The following CHST9 variants were observed in gnomAD, a reference collection of about 807,000 sequenced individuals.
CHST9 encodes carbohydrate sulfotransferase 9.
CHST9 carries 41 observed loss-of-function variants against 44.4 expected under a neutral mutation model. The observed-to-expected ratio is 0.92, with a 90% CI of 0.72 to 1.20. CHST9 has a LOEUF of 1.20. Ranked by LOEUF, CHST9 falls within the 50% of genes most tolerant of loss-of-function variation. The pLI is 0.00. For missense variants in CHST9, 504 were observed against 516.5 expected, an observed-to-expected ratio of 0.98 and a Z score of 0.23; for synonymous variants, 171 against 178.4, an observed-to-expected ratio of 0.96 and a Z score of 0.33.
chr18:27,159,377 A>G (rs2058726451), intron 1 of CHST9, among the ~76,000 whole-genome samples: 1 of 152,172 alleles, frequency 6.6e-6, no homozygotes, highest in Non-Finnish European at 1.5e-5. Flanking sequence ...TCCTTTCCCC[A>G]TTTCTTGTTT....
In CHST9 at chr18:27,103,508, A is replaced by G. The variant is rs543275344; in HGVS notation, c.121+39181T>C. Among the ~76,000 whole-genome samples the G allele has an allele frequency of 2.0e-5, 3 of 152,312 alleles. No individual in the cohort carries two copies. The East Asian group carries it at 5.8e-4, about 29-fold the overall frequency. ...GAATGAAAATCTACTCTAAGAAAAA[A>G]CAATGGTATCTGGCAATCCAGGTTG... On this transcript the variant is annotated intron_variant, in intron 2 of 5. Transcript: ENST00000618847.
intron 1 of CHST9, among the ~76,000 whole-genome samples, chr18:27,174,221 G>A (rs1235429610): frequency 1.3e-5 from 2 of 151,760 alleles, no homozygotes; most frequent in East Asian, 1.9e-4. Flanking sequence ...TAGTTGCCAG[G>A]TCTCCTAGTC....
At chr18:27,084,089 G>A (rs2057985783) in intron 2 of CHST9, among the ~76,000 whole-genome samples, 1 of 149,638 alleles carries the variant, frequency 6.7e-6, no homozygotes. Context: ...AGGGATATTG[G>A]CCCAAAGTTG....
intron 2 of CHST9, among the ~76,000 whole-genome samples, chr18:27,057,460 G>A (rs1306284948): frequency 1.3e-5 from 2 of 152,118 alleles, no homozygotes; most frequent in Non-Finnish European, 2.9e-5. Context: ...ACCAGCCTCC[G>A]CAGACATTGA....
In CHST9 at chr18:27,148,625, T is replaced by C. The variant is rs2058634795; in HGVS notation, c.-96-5720A>G. On this transcript the variant is annotated intron_variant, in intron 1 of 5. Transcript: ENST00000618847. ...TGGCTGCATAGTATTCCATGGTGTA[T>C]ATGTGCCACATTTTCTTAATCCAGT... is the stretch of plus-strand genomic sequence containing the variant. Among the ~76,000 whole-genome samples the C allele has an allele frequency of 2.0e-5, 3 of 151,134 alleles. No homozygotes were observed. In the South Asian group the frequency reaches 6.5e-4, roughly 33 times the overall value.
At chr18:27,022,238 T>G (rs1157309025) in intron 4 of CHST9, among the ~76,000 whole-genome samples, 3 of 152,190 alleles carry the variant, frequency 2.0e-5, no homozygotes, top group African/African-American at 7.2e-5. Flanking sequence ...CATCCCATGC[T>G]TGTTCACAGT....
Position 26,908,990 on chromosome 18 carries a change from C to T in CHST9, c.*7269G>A, listed in dbSNP as rs1176557516. 1 of 152,138 alleles carries T rather than the reference C, an allele frequency of 6.6e-6. No homozygotes were observed. Among genetic ancestry groups the T allele is most frequent in the Non-Finnish European group, 1.5e-5 (1 of 68,008 alleles). 9.4% of individuals were successfully genotyped at this position (152,138 alleles called of 1,614,324 possible). On this transcript the variant is annotated 3_prime_UTR_variant, in exon 6 of 6. Coordinates refer to ENST00000618847, the MANE Select transcript of CHST9 (RefSeq NM_031422.6). ...ATGTGAAGTTGAGTTGCCAAAATTG[C>T]CTTCAGTACACATTTGTCTTTTATA...
At chr18:27,035,381 T>C (rs1260597775) in intron 3 of CHST9, among the ~76,000 whole-genome samples, 1 of 152,320 alleles carries the variant, frequency 6.6e-6, no homozygotes, top group Admixed American at 6.5e-5. Context: ...TATGAAGTTG[T>C]ATGCATTTCT....
intron 3 of CHST9, among the ~76,000 whole-genome samples, chr18:27,030,793 C>T (rs2057332549): frequency 6.6e-6 from 1 of 152,216 alleles, no homozygotes; most frequent in African/African-American, 2.4e-5. Flanking sequence ...AGGGCCTGAT[C>T]CCAGGCCTGA....
intron 1 of CHST9, among the ~76,000 whole-genome samples, chr18:27,168,559 A>G (rs1023283836): frequency 6.6e-6 from 1 of 152,198 alleles, no homozygotes; most frequent in African/African-American, 2.4e-5. Flanking sequence ...GATGACATTT[A>G]TGATACAGGG....
chr18:27,036,385 G>T (rs1298469982), intron 3 of CHST9, among the ~76,000 whole-genome samples: 1 of 152,160 alleles, frequency 6.6e-6, no homozygotes, highest in East Asian at 1.9e-4. Flanking sequence ...AACTGATGTG[G>T]CAATCCAACT....
intron 2 of CHST9, among the ~76,000 whole-genome samples, chr18:27,111,640 ATTAAGT>A (rs1334673286): frequency 6.6e-6 from 1 of 152,236 alleles, no homozygotes; most frequent in Non-Finnish European, 1.5e-5. Flanking sequence ...GTCTGTGATG[ATTAAGT>A]TTATGTGTCA....
intron 4 of CHST9, among the ~76,000 whole-genome samples, chr18:26,994,488 G>A (rs1395832439): frequency 6.6e-6 from 1 of 151,960 alleles, no homozygotes; most frequent in East Asian, 1.9e-4. Context: ...CTGATAACAC[G>A]TTTGTTAGGC....
At chr18:26,956,321 A>AT (rs1253241831) in intron 4 of CHST9, among the ~76,000 whole-genome samples, 2 of 137,540 alleles carry the variant, frequency 1.5e-5, no homozygotes, top group African/African-American at 6.2e-5. Context: ...CAAAAAAAAA[A>AT]AAAAAATATA....
rs910838438 is a variant in CHST9, at chr18:26,913,341, C to T, written c.*2918G>A. ...CATCTAGCAAGTGGCATCACATTTC[C>T]ATTGAATTAATGGATATTTCCAAAT... On this transcript the variant is annotated 3_prime_UTR_variant, in exon 6 of 6. Transcript: ENST00000618847. 3.3e-5 allele frequency: 5 copies of T among 152,090 alleles called. No individual in the cohort carries two copies. Among genetic ancestry groups the T allele is most frequent in the African/African-American group, 1.2e-4 (5 of 41,412 alleles). 9.4% of individuals were successfully genotyped at this position (152,090 alleles called of 1,614,324 possible). A position where few individuals can be genotyped will look rare whatever the true frequency, so the allele number is the denominator to read the frequency against.
chr18:27,059,261 T>A (rs1024799330), intron 2 of CHST9, among the ~76,000 whole-genome samples: 2 of 152,196 alleles, frequency 1.3e-5, no homozygotes, highest in Non-Finnish European at 2.9e-5. Context: ...GGTACCCATT[T>A]GAAACAATGA....
Position 27,098,281 on chromosome 18 carries a change from T to C in CHST9, c.121+44408A>G, listed in dbSNP as rs144104021. The stretch of plus-strand genomic sequence containing the variant: ...AGATACCATCTCACGTCACTTAGAA[T>C]GACAATGATTAGAAAGTCAGGAAAC... On this transcript the variant is annotated intron_variant, in intron 2 of 5. Coordinates refer to ENST00000618847, the MANE Select transcript of CHST9 (RefSeq NM_031422.6). Among the ~76,000 whole-genome samples, 439 of 151,956 alleles carry C rather than the reference T, an allele frequency of 2.9e-3. 1 individual carries two copies. Among genetic ancestry groups the C allele is most frequent in the Non-Finnish European group, 5.1e-3 (345 of 67,938 alleles).
Position 26,961,383 on chromosome 18 carries a change from G to T in CHST9, c.203-17017C>A, listed in dbSNP as rs534600370. ...GCACTTTGTTACACGTTAAGGCCGG[G>T]TGGGAAAGGAGTAAGAGTTACTTTT... is the stretch of plus-strand genomic sequence containing the variant. On this transcript the variant is annotated intron_variant, in intron 4 of 5. Coordinates refer to ENST00000618847, the MANE Select transcript of CHST9 (RefSeq NM_031422.6). 3.3e-5 allele frequency among the ~76,000 whole-genome samples: 5 copies of T among 152,186 alleles called. No homozygotes were observed. The East Asian group carries it at 7.7e-4, about 23-fold the overall frequency.
At chr18:27,103,034 C>T (rs1271416106) in intron 2 of CHST9, among the ~76,000 whole-genome samples, 1 of 152,130 alleles carries the variant, frequency 6.6e-6, no homozygotes, top group Non-Finnish European at 1.5e-5. Context: ...TTGCCCAAGT[C>T]TTCAACTAAG....
Sources: gnomAD v4.1 joint callset for allele counts (sites outside exome capture counted in the v4.1 genomes callset) on GRCh38, gnomAD v4.1.1 for gene constraint, MANE v1.5 for transcripts, NCBI Gene and HGNC (gene_info 2026-07-23, HGNC 2026-07-21) for gene names.